INF2: variants seen among roughly 807,000 people sequenced by gnomAD.
The protein encoded by INF2 is inverted formin-2.
INF2 carries 43 observed loss-of-function variants against 123.5 expected under a neutral mutation model. The observed-to-expected ratio is 0.35, with a 90% CI of 0.27 to 0.45. The LOEUF (loss-of-function observed/expected upper bound fraction) is 0.45. Among genes scored for constraint, INF2 ranks in the 20% least tolerant of loss-of-function variants. The pLI is 1.00. For synonymous variants in INF2, 851 were observed against 745.0 expected (o/e 1.14, Z -2.32); for missense variants, 1,453 against 1,682.7 (o/e 0.86, Z 2.39).
At chr14:104,715,369 G>A (rs772127152) in intron 22 of INF2, 29 bp downstream of exon 22, 29 of 1,598,254 alleles carry the variant, frequency 1.8e-5, no homozygotes, top group Admixed American at 6.7e-5. Flanking sequence ...CTCCGTGGGG[G>A]CTAACAGCAG....
At chr14:104,713,346 C>T (rs1478163830) in intron 19 of INF2, 37 bp downstream of exon 19, 1 of 1,553,852 alleles carries the variant, frequency 6.4e-7, no homozygotes, top group Non-Finnish European at 8.7e-7. Flanking sequence ...GGGGGTGACT[C>T]TGGGATCCTT....
chr14:104,701,352 T>A lies in INF2; in HGVS notation c.-9-5T>A. ...CGCTGACGGCTCCCTGCCCTCTGCCTGCAGCTCGGCAAGATGTCGGTGAAG... is the reference window on the plus strand; with the variant it reads ...CGCTGACGGCTCCCTGCCCTCTGCCAGCAGCTCGGCAAGATGTCGGTGAAG... On this transcript the variant is annotated splice_polypyrimidine_tract_variant and splice_region_variant and intron_variant, in intron 1 of 22. Coordinates refer to ENST00000392634, the MANE Select transcript of INF2 (RefSeq NM_022489.4). 6.4e-7 allele frequency: 1 copy of A among 1,568,932 alleles called. No individual in the cohort carries two copies.
intron 1 of INF2, 36 bp from the exon 2 acceptor site, chr14:104,701,321 C>T: frequency 1.9e-6 from 3 of 1,542,230 alleles, no homozygotes; most frequent in Non-Finnish European, 2.6e-6. Flanking sequence ...GCCCCCATCC[C>T]CTCCCCGCTG....
At chr14:104,688,344 AT>A (rs1888745469), upstream of INF2, among the ~76,000 whole-genome samples, 1 of 152,020 alleles carries the variant, frequency 6.6e-6, no homozygotes, top group Non-Finnish European at 1.5e-5. Flanking sequence ...TTCGGCGCTT[AT>A]CCCCACCGGA....
chr14:104,715,151 A>G (rs961885082), intron 21 of INF2, 133 bp from the exon 22 acceptor site: 12 of 886,300 alleles, frequency 1.4e-5, no homozygotes, highest in Non-Finnish European at 2.2e-5. Context: ...CATGTGGCTT[A>G]GTGGCCAGAG....
intron 5 of INF2, among the ~76,000 whole-genome samples, chr14:104,705,802 C>T (rs1395208297): frequency 6.6e-6 from 1 of 152,234 alleles, no homozygotes; most frequent in African/African-American, 2.4e-5. Flanking sequence ...GTGCGGGTGC[C>T]TGGTGACCCG....
rs748346025 is a variant in INF2, at chr14:104,699,677, G to A, written c.-9-1680G>A. On this transcript the variant is annotated intron_variant, in intron 1 of 22. Coordinates refer to ENST00000392634, the MANE Select transcript of INF2 (RefSeq NM_022489.4). The surrounding 1 kb of genome is among the most constrained non-coding windows in gnomAD (Gnocchi z 4.7). ...AAAACCACAGTGCACCGGGGGCTCC[G>A]GGCTCTCCGTTCTACAGTGCCCAGA... 2.4e-4 allele frequency: 191 copies of A among 799,686 alleles called. No homozygotes were observed. The highest frequency in any genetic ancestry group is 2.2e-4 in the Non-Finnish European group (143 of 660,796). 49.5% of individuals were successfully genotyped at this position (799,686 alleles called of 1,614,324 possible). A position where few individuals can be genotyped will look rare whatever the true frequency, so the allele number is the denominator to read the frequency against.
chr14:104,710,884 C>G, intron 13 of INF2, 53 bp from the exon 14 acceptor site: 1 of 1,523,274 alleles, frequency 6.6e-7, no homozygotes, highest in South Asian at 1.1e-5. Context: ...ACCGCCAGGG[C>G]ATCTGGGGGC....
chr14:104,715,942 G>C, intron 22 of INF2: 1 of 456,132 alleles, frequency 2.2e-6, no homozygotes, highest in Middle Eastern at 3.3e-4. Flanking sequence ...GGCCATGGGT[G>C]GGTCTATGGA....
At chr14:104,709,513 G>A in intron 11 of INF2, 107 bp from the exon 12 acceptor site, 1 of 1,296,740 alleles carries the variant, frequency 7.7e-7, no homozygotes, top group African/African-American at 1.5e-5. Flanking sequence ...TGAACCGTGA[G>A]CCACAGGGAG....
chr14:104,697,317 C>T (rs1889236897), intron 1 of INF2, among the ~76,000 whole-genome samples: 1 of 152,226 alleles, frequency 6.6e-6, no homozygotes, highest in Non-Finnish European at 1.5e-5. Context: ...GGCTCAGGTC[C>T]CTCGCGTGCT....
intron 13 of INF2, among the ~76,000 whole-genome samples, chr14:104,710,569 G>C (rs1387818058): frequency 6.6e-6 from 1 of 151,782 alleles, no homozygotes; most frequent in African/African-American, 2.4e-5. Flanking sequence ...AGGACACACA[G>C]ACACACGTAC....
chr14:104,689,589 C>G, upstream of INF2: 2 of 812,980 alleles, frequency 2.5e-6, no homozygotes, highest in Non-Finnish European at 3.0e-6. Context: ...CCTCCTCTTC[C>G]TCCCGCCCGC....
Position 104,711,816 on chromosome 14 carries a change from C to T in INF2, c.2489+117C>T, listed in dbSNP as rs4983533. 517,759 of 898,640 alleles carry T rather than the reference C, an allele frequency of 0.58. 152,439 individuals are homozygous for T. The highest frequency in any genetic ancestry group is 0.91 in the East Asian group (34,602 of 38,176). The allele number at this position is 898,640 out of a possible 1,614,324, so 55.7% of individuals were successfully genotyped here. ...TCTCACAGCTGCAGCGCAGCCCCGG[C>T]GCCACGGAGCCCTGCCCAATAGAAC... On this transcript the variant is annotated intron_variant, in intron 16 of 22. Coordinates refer to ENST00000392634, the MANE Select transcript of INF2 (RefSeq NM_022489.4).
At chr14:104,717,221 TC>T (rs1253861680) in intron 22 of INF2, among the ~76,000 whole-genome samples, 1 of 148,302 alleles carries the variant, frequency 6.7e-6, no homozygotes, top group Non-Finnish European at 1.5e-5. Flanking sequence ...TCTTCCTCAG[TC>T]CCCCCCGGGC....
intron 11 of INF2, 90 bp from the exon 12 acceptor site, chr14:104,709,530 T>G: frequency 7.5e-7 from 1 of 1,334,960 alleles, no homozygotes; most frequent in Non-Finnish European, 1.1e-6. Context: ...GGAGCCATGA[T>G]GGGCACTGGA....
rs867411651 is a variant in INF2 at position 104,681,146 on chromosome 14, C to A, written c.-540C>A. Reference sequence around the variant, plus strand: ...TCACGAGCTGCCATCTGGGGGGTGGCACCAGGCTGTGAAGGATCCACAGAC... The same window carrying A: ...TCACGAGCTGCCATCTGGGGGGTGGAACCAGGCTGTGAAGGATCCACAGAC... On this transcript the variant is annotated 5_prime_UTR_variant, in exon 1 of 3. Coordinates refer to the INF2 transcript ENST00000674723. 58 of 235,304 alleles carry A rather than the reference C, an allele frequency of 2.5e-4. 1 individual carries two copies. The highest frequency in any genetic ancestry group is 3.1e-4 in the South Asian group (6 of 19,386). The allele number at this position is 235,304 out of a possible 1,614,324, so 14.6% of individuals were successfully genotyped here.
Position 104,714,276 on chromosome 14 carries a change from T to C in INF2, c.3114T>C (p.Ala1038=). The part of the protein sequence containing the change: ...RCPASEPGLD[A]TTASESRGWD... Reference sequence around the variant, plus strand: ...CCGCCTCTGAGCCCGGCCTTGATGCTACAACAGCCAGCGAGTCCCGGGGCT... The same window carrying C: ...CCGCCTCTGAGCCCGGCCTTGATGCCACAACAGCCAGCGAGTCCCGGGGCT... The change falls in exon 21 of 23, where the codon GCT becomes GCC. Residue 1038 remains alanine, a synonymous_variant. Transcript: ENST00000392634. 1 of 1,595,334 alleles carries C rather than the reference T, an allele frequency of 6.3e-7. No homozygotes were observed. Among genetic ancestry groups the C allele is most frequent in the Non-Finnish European group, 8.5e-7 (1 of 1,172,522 alleles).
intron 12 of INF2, 136 bp downstream of exon 12, chr14:104,709,841 C>T (rs1284745917): frequency 5.0e-6 from 4 of 794,440 alleles, no homozygotes; most frequent in Middle Eastern, 3.3e-4. Context: ...AGCATTGCAG[C>T]GGTTGGGCTT....
Sources: gnomAD v4.1 joint callset for allele counts (sites outside exome capture counted in the v4.1 genomes callset) on GRCh38, gnomAD v4.1.1 for gene constraint, Gnocchi (gnomAD v3.1) non-coding constraint, MANE v1.5 for transcripts, NCBI Gene and HGNC (gene_info 2026-07-23, HGNC 2026-07-21) for gene names.